The following ARB2A variants were observed in gnomAD, a reference collection of about 807,000 sequenced individuals.
ARB2A encodes cotranscriptional regulator ARB2A.
chr5:93,741,561 C>A, the ARB2A span: 1 of 1,547,852 alleles, frequency 6.5e-7, no homozygotes. Flanking sequence ...TGTGTCCGGC[C>A]ATGGGTGGAA....
chr5:93,980,760 A>T, the ARB2A span, among the ~76,000 whole-genome samples: 1 of 151,942 alleles, frequency 6.6e-6, no homozygotes, highest in East Asian at 1.9e-4. Flanking sequence ...CTATATTTTG[A>T]TTTATATACA....
chr5:93,776,188 A>G, the ARB2A span: 3 of 1,610,768 alleles, frequency 1.9e-6, no homozygotes, highest in Non-Finnish European at 2.5e-6. Flanking sequence ...ATCAGGTAGC[A>G]TGGACTCCAC....
the ARB2A span, among the ~76,000 whole-genome samples, chr5:94,110,453 G>A: frequency 6.6e-6 from 1 of 152,182 alleles, no homozygotes; most frequent in African/African-American, 2.4e-5. Flanking sequence ...GCCATAGCCT[G>A]AAAGCATCCA....
the ARB2A span, among the ~76,000 whole-genome samples, chr5:93,869,522 T>C: frequency 3.3e-5 from 5 of 152,188 alleles, no homozygotes; most frequent in African/African-American, 9.7e-5. Flanking sequence ...ACTGAGTGCA[T>C]ACTATGTGCT....
At chr5:93,648,181 T>TA in the ARB2A span, among the ~76,000 whole-genome samples, 1 of 151,882 alleles carries the variant, frequency 6.6e-6, no homozygotes, top group Non-Finnish European at 1.5e-5. Flanking sequence ...AATTATTTCT[T>TA]ATTTTAATTT....
At chr5:93,861,413 T>TG in the ARB2A span, 2 of 151,414 alleles carry the variant, frequency 1.3e-5, no homozygotes, top group Non-Finnish European at 2.9e-5. Flanking sequence ...ACCCCCTAAC[T>TG]GGATTATGTA....
At chr5:93,818,292 G>A in the ARB2A span, among the ~76,000 whole-genome samples, 2 of 152,068 alleles carry the variant, frequency 1.3e-5, no homozygotes, top group African/African-American at 2.4e-5. Flanking sequence ...AATTTCTTTT[G>A]GGGTGATAAA....
At chr5:93,890,271 C>T in the ARB2A span, among the ~76,000 whole-genome samples, 1 of 151,546 alleles carries the variant, frequency 6.6e-6, no homozygotes, top group Admixed American at 6.6e-5. Context: ...AGGAAACTAG[C>T]TTCCTAATGA....
At chr5:94,004,634 A>G in the ARB2A span, among the ~76,000 whole-genome samples, 3 of 152,126 alleles carry the variant, frequency 2.0e-5, no homozygotes, top group South Asian at 6.2e-4. Context: ...TAAGAGGAGA[A>G]AAGGACAAGT....
chr5:93,878,089 T>C, the ARB2A span, among the ~76,000 whole-genome samples: 1 of 149,106 alleles, frequency 6.7e-6, no homozygotes, highest in South Asian at 2.1e-4. Flanking sequence ...AATTTTTGGA[T>C]TGTAATCTCA....
chr5:93,628,156 T>G, the ARB2A span, among the ~76,000 whole-genome samples: 1 of 151,114 alleles, frequency 6.6e-6, no homozygotes, highest in Non-Finnish European at 1.5e-5. Context: ...GTTCAAGTGA[T>G]TCTCCTGCCT....
the ARB2A span, among the ~76,000 whole-genome samples, chr5:94,071,050 G>A: frequency 1.3e-5 from 2 of 151,816 alleles, no homozygotes; most frequent in African/African-American, 2.4e-5. Context: ...TATCAACTCA[G>A]GACAAATGAA....
the ARB2A span, among the ~76,000 whole-genome samples, chr5:93,711,466 T>C: frequency 9.8e-3 from 1,498 of 152,306 alleles, 17 homozygotes; most frequent in East Asian, 0.04. Flanking sequence ...TTATTTTATT[T>C]GTTTGCTCTT....
chr5:93,918,430 CTTTTTTTTTTTT>C, the ARB2A span, among the ~76,000 whole-genome samples: 907 of 107,358 alleles, frequency 8.4e-3, 4 homozygotes, highest in Admixed American at 0.012. Context: ...TTCCAAATTT[CTTTTTTTTTTTT>C]TTTTTTTTTG....
the ARB2A span, among the ~76,000 whole-genome samples, chr5:94,057,879 T>TA: frequency 6.6e-6 from 1 of 152,142 alleles, no homozygotes; most frequent in Non-Finnish European, 1.5e-5. Context: ...GAGCTGATGA[T>TA]ACAGAGATCA....
chr5:93,695,653 A>T, the ARB2A span, among the ~76,000 whole-genome samples: 1 of 152,290 alleles, frequency 6.6e-6, no homozygotes, highest in Non-Finnish European at 1.5e-5. Flanking sequence ...TAGAACCAGA[A>T]ATACCATTTG....
chr5:93,866,465 T>C, the ARB2A span, among the ~76,000 whole-genome samples: 2 of 152,006 alleles, frequency 1.3e-5, no homozygotes, highest in Non-Finnish European at 2.9e-5. Context: ...GAAACCCACA[T>C]ACACGCAGCT....
the ARB2A span, among the ~76,000 whole-genome samples, chr5:93,914,849 A>G: frequency 2.0e-5 from 3 of 151,824 alleles, no homozygotes; most frequent in Non-Finnish European, 4.4e-5. Context: ...CTTTCCTACA[A>G]CGTGTTACCC....
At chr5:93,830,311 G>GTGTGTATGTGTGTGTATA in the ARB2A span, among the ~76,000 whole-genome samples, 76 of 82,254 alleles carry the variant, frequency 9.2e-4, no homozygotes, top group Non-Finnish European at 1.6e-3. Flanking sequence ...GTGTGTGTGT[G>GTGTGTATGTGTGTGTATA]TATATATATA....
Sources: allele counts gnomAD v4.1 joint callset (sites outside exome capture counted in the v4.1 genomes callset), GRCh38; gene constraint gnomAD v4.1.1; transcripts MANE v1.5; gene names NCBI Gene and HGNC (gene_info 2026-07-23, HGNC 2026-07-21).